The following ARHGAP17 variants were observed in gnomAD, a reference collection of about 807,000 sequenced individuals.
ARHGAP17 encodes Rho GTPase activating protein 17, also known as rho GTPase-activating protein 17.
Under a neutral mutation model 99.5 loss-of-function variants are expected in ARHGAP17, and 57 were observed. That is an observed-to-expected ratio of 0.57 (90% CI 0.46 to 0.71). The LOEUF (loss-of-function observed/expected upper bound fraction) is 0.71. ARHGAP17 is among the 30% of genes least tolerant of loss of function. The pLI is 0.00. For missense variants in ARHGAP17, 1,000 were observed against 1,122.4 expected (o/e 0.89, Z 1.56); for synonymous variants, 417 against 429.6 (o/e 0.97, Z 0.36).
intron 1 of ARHGAP17, among the ~76,000 whole-genome samples, chr16:25,010,153 G>A (rs2053607378): frequency 6.6e-6 from 1 of 151,464 alleles, no homozygotes. Flanking sequence ...TCAGCTCACT[G>A]CAGCCTCGAC....
At chr16:24,935,365 A>G (rs2051106384) in intron 18 of ARHGAP17, 105 bp downstream of exon 18, 1 of 1,301,830 alleles carries the variant, frequency 7.7e-7, no homozygotes, top group East Asian at 2.6e-5. Flanking sequence ...TTTACAACAG[A>G]CATAGAAAAG....
rs2051253791 is a variant in ARHGAP17, at chr16:24,939,581, TA to T, written c.1506del (p.Met503TrpfsTer12). 1 of 1,606,408 alleles carries T rather than the reference TA, an allele frequency of 6.2e-7. No homozygotes were observed. The highest frequency in any genetic ancestry group is 1.3e-5 in the African/African-American group (1 of 74,852). On this transcript the variant is annotated frameshift_variant, in exon 17 of 20. Transcript: ENST00000289968. LOFTEE classifies it high-confidence loss of function. ...CCCCGCCGGTGGGCCTGGAAGTCCA[TA>T]AGCTTCACACCAAAGCTACACAGAG... ...LVKKESFGVKLMDFQAHRRGG... is the reference protein window; with the variant it reads ...LVKKESFGVKXMDFQAHRRGG...
intron 10 of ARHGAP17, 75 bp from the exon 11 acceptor site, chr16:24,953,117 G>A (rs2051694468): frequency 7.4e-7 from 1 of 1,345,148 alleles, no homozygotes; most frequent in African/African-American, 1.4e-5. Flanking sequence ...TGTTCTGATG[G>A]GTATTTCCTG....
chr16:24,982,978 A>ATATATATATATATATATATT (rs2052723859), intron 1 of ARHGAP17, among the ~76,000 whole-genome samples: 4 of 20,446 alleles, frequency 2.0e-4, no homozygotes, highest in African/African-American at 6.9e-4. Context: ...ATATATATAT[A>ATATATATATATATATATATT]TATATATATA....
At chr16:25,009,017 A>G (rs1477778576) in intron 1 of ARHGAP17, among the ~76,000 whole-genome samples, 1 of 152,248 alleles carries the variant, frequency 6.6e-6, no homozygotes, top group Non-Finnish European at 1.5e-5. Context: ...CTCAGATTGA[A>G]GCAAAGCACA....
At chr16:24,961,968 G>GTTTGT (rs2052021913) in intron 7 of ARHGAP17, among the ~76,000 whole-genome samples, 2 of 105,726 alleles carry the variant, frequency 1.9e-5, no homozygotes, top group Admixed American at 1.7e-4. Context: ...TGTAGAGAGA[G>GTTTGT]TTTGTTTTTT....
intron 1 of ARHGAP17, among the ~76,000 whole-genome samples, chr16:25,011,598 G>C (rs1321272720): frequency 1.3e-5 from 2 of 151,948 alleles, no homozygotes; most frequent in Admixed American, 6.6e-5. Flanking sequence ...CCAGCTACTT[G>C]GGAGGCTGAG....
chr16:24,960,768 G>A (rs1165734247), intron 7 of ARHGAP17, among the ~76,000 whole-genome samples: 1 of 145,020 alleles, frequency 6.9e-6, no homozygotes, highest in Non-Finnish European at 1.5e-5. Context: ...AGTGAGCCAA[G>A]ATTGTGCCAC....
At chr16:24,925,334 G>A (rs533301308) in intron 19 of ARHGAP17, among the ~76,000 whole-genome samples, 19 of 152,174 alleles carry the variant, frequency 1.2e-4, no homozygotes, top group Non-Finnish European at 2.5e-4. Flanking sequence ...TGCCAAGATT[G>A]CACCACTGCA....
chr16:24,972,908 A>T (rs2052408488), intron 3 of ARHGAP17, among the ~76,000 whole-genome samples: 1 of 151,720 alleles, frequency 6.6e-6, no homozygotes. Flanking sequence ...TGCTTCCTAG[A>T]GGTGAACAGC....
At chr16:24,952,250 T>C in intron 12 of ARHGAP17, 39 bp downstream of exon 12, 1 of 1,503,000 alleles carries the variant, frequency 6.7e-7, no homozygotes, top group Admixed American at 1.8e-5. Context: ...ATCACTTCAT[T>C]CCCTTTAACA....
In ARHGAP17 at chr16:24,988,848, G is replaced by A. The variant is rs551396963; in HGVS notation, c.54-9843C>T. ...CCCTTCTGCCACCAACCACCTCAACGGCCTCTCAGGCATTCCAAGTGCCTT... is the reference window on the plus strand; with the variant it reads ...CCCTTCTGCCACCAACCACCTCAACAGCCTCTCAGGCATTCCAAGTGCCTT... On this transcript the variant is annotated intron_variant, in intron 1 of 19. Transcript: ENST00000289968. Among the ~76,000 whole-genome samples the A allele has an allele frequency of 2.0e-3, 304 of 152,214 alleles. 1 individual carries two copies. Among genetic ancestry groups the A allele is most frequent in the Non-Finnish European group, 3.4e-3 (229 of 68,032 alleles).
chr16:24,985,750 T>A (rs2052846873), intron 1 of ARHGAP17, among the ~76,000 whole-genome samples: 1 of 152,188 alleles, frequency 6.6e-6, no homozygotes, highest in South Asian at 2.1e-4. Flanking sequence ...TTCTGCCTAC[T>A]TCAGGTCCAA....
intron 9 of ARHGAP17, among the ~76,000 whole-genome samples, chr16:24,959,313 T>C (rs1047645966): frequency 2.0e-5 from 3 of 152,190 alleles, no homozygotes; most frequent in Non-Finnish European, 4.4e-5. Context: ...TGGAGTCACA[T>C]GGCCAGAATT....
At chr16:24,997,814 A>G (rs1318016528) in intron 1 of ARHGAP17, among the ~76,000 whole-genome samples, 1 of 152,182 alleles carries the variant, frequency 6.6e-6, no homozygotes, top group Non-Finnish European at 1.5e-5. Flanking sequence ...TGAAGGTACA[A>G]TGAGGTCAGC....
intron 19 of ARHGAP17, 69 bp downstream of exon 19, chr16:24,930,715 A>G (rs1356486254): frequency 1.2e-6 from 2 of 1,613,752 alleles, no homozygotes; most frequent in Non-Finnish European, 1.7e-6. Context: ...TCAAAGCTTA[A>G]ATAAAATGTA....
In ARHGAP17 at chr16:25,005,719, T is replaced by C. The variant is rs185841219; in HGVS notation, c.53+9490A>G. On this transcript the variant is annotated intron_variant, in intron 1 of 19. Transcript: ENST00000289968. ...AAATGACACATACAGAGAAAACTCA[T>C]ATAAAGAAATACAAATGTAAGAACA... Among the ~76,000 whole-genome samples the C allele has an allele frequency of 4.2e-3, 635 of 152,304 alleles. 1 individual carries two copies. The highest frequency in any genetic ancestry group is 7.4e-3 in the Non-Finnish European group (502 of 68,012).
At chr16:24,941,883 G>A in intron 16 of ARHGAP17, 104 bp downstream of exon 16, 1 of 1,499,396 alleles carries the variant, frequency 6.7e-7, no homozygotes, top group South Asian at 1.2e-5. Flanking sequence ...AGTCATGGGT[G>A]GATGGCGACC....
At chr16:24,945,727 G>A (rs575951475) in intron 14 of ARHGAP17, among the ~76,000 whole-genome samples, 1 of 152,230 alleles carries the variant, frequency 6.6e-6, no homozygotes, top group East Asian at 1.9e-4. Context: ...CTCCCATGTG[G>A]AATCTGATCA....
Sources: allele counts gnomAD v4.1 joint callset (sites outside exome capture counted in the v4.1 genomes callset), GRCh38; gene constraint gnomAD v4.1.1; transcripts MANE v1.5; gene names NCBI Gene and HGNC (gene_info 2026-07-23, HGNC 2026-07-21).